Variants in EIF3H observed in about 807,000 individuals in gnomAD.
The protein encoded by EIF3H is eukaryotic translation initiation factor 3 subunit H, also known as eIF-3-gamma.
EIF3H carries 26 observed loss-of-function variants against 44.2 expected under a neutral mutation model. The observed-to-expected ratio is 0.59, with a 90% confidence interval of 0.43 to 0.82. The LOEUF (loss-of-function observed/expected upper bound fraction) is 0.82, where lower values mean the gene tolerates loss of function less well. Ranked by LOEUF, EIF3H falls within the 40% of genes least tolerant of loss-of-function variation. The pLI is 0.00. For synonymous variants in EIF3H, 166 were observed against 151.9 expected, an observed-to-expected ratio of 1.09 and a Z score of -0.68; for missense variants, 359 against 432.8, an observed-to-expected ratio of 0.83 and a Z score of 1.51.
rs566196628 is a variant in EIF3H at position 116,648,946 on chromosome 8, T to C, written c.708-20A>G. 174 of 1,599,512 alleles carry C rather than the reference T, an allele frequency of 1.1e-4. 3 individuals are homozygous for C. In the South Asian group the frequency reaches 1.7e-3, roughly 16 times the overall value. Reference sequence around the variant, plus strand: ...TGATTGCTGAAATGTAAAGTAAATATACTGACAAGTCTTACTTTAAATTAT... The same window carrying C: ...TGATTGCTGAAATGTAAAGTAAATACACTGACAAGTCTTACTTTAAATTAT... On this transcript the variant is annotated intron_variant, in intron 5 of 7. Transcript: ENST00000521861.
chr8:116,657,896 A>T (rs1813518445), intron 3 of EIF3H: 1 of 152,800 alleles, frequency 6.5e-6, no homozygotes, highest in South Asian at 2.1e-4. Flanking sequence ...TCCATGAGTA[A>T]GGGAGCTTAG....
chr8:116,671,802 T>C (rs998456192), intron 2 of EIF3H, among the ~76,000 whole-genome samples: 51 of 152,222 alleles, frequency 3.4e-4, no homozygotes, highest in African/African-American at 1.1e-3. Context: ...AAACTATCTC[T>C]GTCAAGAACC....
At chr8:116,748,186 CAAAAT>C (rs1484649537) in intron 1 of EIF3H, among the ~76,000 whole-genome samples, 1 of 150,808 alleles carries the variant, frequency 6.6e-6, no homozygotes, top group East Asian at 1.9e-4. Flanking sequence ...CAAAACAAAA[CAAAAT>C]AAAAAACAAA....
chr8:116,756,453 T>C (rs1815450960), upstream of EIF3H, among the ~76,000 whole-genome samples: 1 of 152,244 alleles, frequency 6.6e-6, no homozygotes, highest in Non-Finnish European at 1.5e-5. Context: ...ATCACGCTGA[T>C]TTATGACACA....
intron 1 of EIF3H, among the ~76,000 whole-genome samples, chr8:116,754,389 C>A (rs1018647958): frequency 6.6e-6 from 1 of 152,090 alleles, no homozygotes; most frequent in Non-Finnish European, 1.5e-5. Context: ...GGGATTACAG[C>A]CGTGAGCCAC....
chr8:116,712,953 G>A lies in EIF3H; in HGVS notation c.289+13063C>T, dbSNP rs551777100. ...CCTGGGCAAGATAGGAAGCAAGTCT[G>A]AACTTGAAAAAAAGAAATAGCAAGG... On this transcript the variant is annotated intron_variant, in intron 2 of 7. Coordinates refer to ENST00000521861, the MANE Select transcript of EIF3H (RefSeq NM_003756.3). Among the ~76,000 whole-genome samples, 39 of 151,952 alleles carry A rather than the reference G, an allele frequency of 2.6e-4. No individual in the cohort carries two copies. In the South Asian group the frequency reaches 8.1e-3, roughly 32 times the overall value.
intron 2 of EIF3H, among the ~76,000 whole-genome samples, chr8:116,693,420 A>T (rs1196932425): frequency 6.6e-6 from 1 of 152,200 alleles, no homozygotes; most frequent in Admixed American, 6.5e-5. Flanking sequence ...CTACGTGGTA[A>T]CAAATAGAGA....
chr8:116,762,497 G>A (rs1265263617), intron 1 of EIF3H, among the ~76,000 whole-genome samples: 2 of 152,214 alleles, frequency 1.3e-5, no homozygotes, highest in African/African-American at 4.8e-5. Context: ...GAGTAGGAAG[G>A]AAGGAGATAT....
chr8:116,702,710 G>A lies in EIF3H; in HGVS notation c.289+23306C>T, dbSNP rs188382881. Among the ~76,000 whole-genome samples the A allele has an allele frequency of 3.5e-3, 526 of 152,248 alleles. 2 individuals are homozygous for A. Among genetic ancestry groups the A allele is most frequent in the Admixed American group, 8.0e-3 (123 of 15,294 alleles). The stretch of plus-strand genomic sequence containing the variant: ...TAATCATCATAAGCTGATTCACTGG[G>A]GAGGGGGAGGGTGCACAGAGAACAA... On this transcript the variant is annotated intron_variant, in intron 2 of 7. Transcript: ENST00000521861.
At chr8:116,691,632 T>G (rs893711115) in intron 2 of EIF3H, among the ~76,000 whole-genome samples, 1 of 152,014 alleles carries the variant, frequency 6.6e-6, no homozygotes, top group Non-Finnish European at 1.5e-5. Flanking sequence ...CCCAGCACTT[T>G]AGAAGGACAA....
chr8:116,698,043 T>TC (rs1814298383), intron 2 of EIF3H, among the ~76,000 whole-genome samples: 1 of 152,210 alleles, frequency 6.6e-6, no homozygotes, highest in Non-Finnish European at 1.5e-5. Flanking sequence ...TAGGCAGAAT[T>TC]ATCATGCTCA....
At chr8:116,646,432 C>T (rs190616073) in intron 7 of EIF3H, 39 bp downstream of exon 7, 31 of 1,613,568 alleles carry the variant, frequency 1.9e-5, no homozygotes, top group African/African-American at 9.3e-5. Flanking sequence ...TCCTAAGAAA[C>T]GAACAAAACC....
chr8:116,696,148 G>A (rs1814265804), intron 2 of EIF3H, among the ~76,000 whole-genome samples: 1 of 152,140 alleles, frequency 6.6e-6, no homozygotes, highest in South Asian at 2.1e-4. Flanking sequence ...ACGATCTAGG[G>A]CTCCTTAGAA....
Position 116,755,771 on chromosome 8 carries a change from G to A in EIF3H, c.27C>T (p.Gly9=), listed in dbSNP as rs1384531989. 5.0e-6 allele frequency: 8 copies of A among 1,614,102 alleles called. No homozygotes were observed. The highest frequency in any genetic ancestry group is 5.9e-6 in the Non-Finnish European group (7 of 1,180,040). The part of the protein sequence containing the change: MASRKEGT[G]STATSSSSTA... ...TGGAGCTGGAAGAGGTGGCAGTAGAGCCGGTACCTTCCTTGCGGGACGCCA... is the reference window on the plus strand; with the variant it reads ...TGGAGCTGGAAGAGGTGGCAGTAGAACCGGTACCTTCCTTGCGGGACGCCA... The change falls in exon 1 of 8, where the codon GGC becomes GGT. Residue 9 remains glycine (G), a synonymous_variant. Transcript: ENST00000521861.
At chr8:116,712,624 G>A (rs1350561273) in intron 2 of EIF3H, among the ~76,000 whole-genome samples, 2 of 152,118 alleles carry the variant, frequency 1.3e-5, no homozygotes, top group Non-Finnish European at 2.9e-5. Flanking sequence ...TTAACGGTAT[G>A]AAAACACAAT....
chr8:116,730,687 T>C (rs775067713), intron 1 of EIF3H, among the ~76,000 whole-genome samples: 1 of 152,238 alleles, frequency 6.6e-6, no homozygotes, highest in Non-Finnish European at 1.5e-5. Context: ...TGCTCATTGT[T>C]TCCCCTCGTG....
chr8:116,653,080 T>C (rs1341005496), intron 5 of EIF3H, among the ~76,000 whole-genome samples: 1 of 151,902 alleles, frequency 6.6e-6, no homozygotes, highest in Non-Finnish European at 1.5e-5. Context: ...AGGGAAAAAA[T>C]AACAGCACAG....
intron 1 of EIF3H, among the ~76,000 whole-genome samples, chr8:116,743,808 ACAC>A (rs1815181257): frequency 3.5e-4 from 30 of 86,026 alleles, no homozygotes; most frequent in African/African-American, 1.1e-3. Context: ...AAACACACAC[ACAC>A]ACACACACAC....
intron 2 of EIF3H, among the ~76,000 whole-genome samples, chr8:116,718,989 T>C (rs769305633): frequency 6.6e-6 from 1 of 151,918 alleles, no homozygotes; most frequent in Non-Finnish European, 1.5e-5. Flanking sequence ...CACAAAAGAA[T>C]AAAGAAAAAT....
Sources: gnomAD v4.1 joint callset for allele counts (sites outside exome capture counted in the v4.1 genomes callset) on GRCh38, gnomAD v4.1.1 for gene constraint, MANE v1.5 for transcripts, NCBI Gene and HGNC (gene_info 2026-07-23, HGNC 2026-07-21) for gene names.